ADGRG5: variants seen among roughly 807,000 people sequenced by gnomAD.
ADGRG5 encodes adhesion G protein-coupled receptor G5.
A neutral mutation model predicts 53.2 loss-of-function variants in ADGRG5; 37 were observed. That is an observed-to-expected ratio of 0.70 (90% CI 0.53 to 0.91). The LOEUF is 0.91. Among genes scored for constraint, ADGRG5 ranks in the 40% least tolerant of loss-of-function variants. The pLI, the probability that ADGRG5 is intolerant of heterozygous loss-of-function variation, is 0.00. For missense variants in ADGRG5, 614 were observed against 675.8 expected (o/e 0.91, Z 1.01); for synonymous variants, 277 against 290.4 (o/e 0.95, Z 0.47).
intron 1 of ADGRG5, among the ~76,000 whole-genome samples, chr16:57,555,311 G>A (rs2032857221): frequency 6.6e-6 from 1 of 152,114 alleles, no homozygotes; most frequent in Non-Finnish European, 1.5e-5. Context: ...GGATCATGGG[G>A]GCAGTTTCCC....
chr16:57,567,194 C>G (rs1357078411), intron 7 of ADGRG5, among the ~76,000 whole-genome samples: 1 of 152,228 alleles, frequency 6.6e-6, no homozygotes, highest in Non-Finnish European at 1.5e-5. Flanking sequence ...TTGACCAGGC[C>G]TGGCACCCCT....
chr16:57,537,730 C>T (rs2032425078), upstream of ADGRG5, among the ~76,000 whole-genome samples: 1 of 152,170 alleles, frequency 6.6e-6, no homozygotes, highest in African/African-American at 2.4e-5. Flanking sequence ...TTCCATTTCT[C>T]CTGCTTTGCT....
At chr16:57,530,725 C>T in the ADGRG5 span, among the ~76,000 whole-genome samples, 4 of 152,232 alleles carry the variant, frequency 2.6e-5, no homozygotes, top group African/African-American at 7.2e-5. Context: ...TAGCCAGTGA[C>T]GTCCTTTCCA....
At chr16:57,568,678 A>C (rs1301278140) in intron 9 of ADGRG5, among the ~76,000 whole-genome samples, 2 of 147,188 alleles carry the variant, frequency 1.4e-5, no homozygotes, top group African/African-American at 5.1e-5. Flanking sequence ...CTCCACCACC[A>C]CCTCCTCCAC....
At chr16:57,547,899 C>A (rs2032657381) in intron 1 of ADGRG5, among the ~76,000 whole-genome samples, 1 of 152,128 alleles carries the variant, frequency 6.6e-6, no homozygotes. Flanking sequence ...ACACGTGTGC[C>A]AACACGCCTG....
At chr16:57,569,670 C>T (rs1393841518) in intron 9 of ADGRG5, among the ~76,000 whole-genome samples, 3 of 151,986 alleles carry the variant, frequency 2.0e-5, no homozygotes, top group Non-Finnish European at 4.4e-5. Context: ...CCTCCATCTC[C>T]TCCACCTCTG....
chr16:57,557,480 A>G (rs1200446431), intron 1 of ADGRG5, among the ~76,000 whole-genome samples: 4 of 151,876 alleles, frequency 2.6e-5, no homozygotes, highest in Non-Finnish European at 5.9e-5. Flanking sequence ...AGCTTCTTGG[A>G]TCTGTGGTTT....
At chr16:57,529,248 G>A in the ADGRG5 span, 1 of 1,127,878 alleles carries the variant, frequency 8.9e-7, no homozygotes, top group Non-Finnish European at 1.1e-6. The surrounding 1 kb of genome is among the most constrained non-coding windows in gnomAD (Gnocchi z 4.1). Context: ...ACGCGCGGCG[G>A]GCGCGATACA....
intron 8 of ADGRG5, 47 bp from the exon 9 acceptor site, chr16:57,567,809 C>T (rs1244259778): frequency 6.4e-7 from 1 of 1,574,738 alleles, no homozygotes; most frequent in Admixed American, 1.7e-5. Flanking sequence ...GGTAGTGCTG[C>T]CTGGGTGATG....
Position 57,574,754 on chromosome 16 carries a change from TGCTG to T in ADGRG5, c.1209-58_1209-55del. ...GACCGAGTGGGGCTTCAGGGAGTGA[TGCTG>T]GCCTCCCCGCGGGCCTGGGAGCCAC... On this transcript the variant is annotated intron_variant, in intron 10 of 11. Coordinates refer to ENST00000349457, the MANE Select transcript of ADGRG5 (RefSeq NM_001304376.3). This position sits in a 1 kb window ranked among gnomAD's most constrained non-coding sequence, Gnocchi z 4.4. The T allele has an allele frequency of 6.7e-7, 1 of 1,502,000 alleles. No homozygotes were observed. The highest frequency in any genetic ancestry group is 8.9e-7 in the Non-Finnish European group (1 of 1,123,620). The allele number at this position is 1,502,000 out of a possible 1,614,324, so 93.0% of individuals were successfully genotyped here.
chr16:57,576,770 T>C lies in ADGRG5; in HGVS notation c.*1232T>C, dbSNP rs1297156061. The stretch of plus-strand genomic sequence containing the variant: ...CCAATGCGGCGGTGCACTTTCGCTC[T>C]TGGGGGCTGCACCCCAGACATAGCT... On this transcript the variant is annotated 3_prime_UTR_variant, in exon 12 of 12. Coordinates refer to ENST00000349457, the MANE Select transcript of ADGRG5 (RefSeq NM_001304376.3). 1.3e-5 allele frequency: 2 copies of C among 152,224 alleles called. No individual in the cohort carries two copies. The highest frequency in any genetic ancestry group is 4.8e-5 in the African/African-American group (2 of 41,456). 9.4% of individuals were successfully genotyped at this position (152,224 alleles called of 1,614,324 possible).
At position 57,570,481 on chromosome 16, in the gene ADGRG5, C is replaced by T; in HGVS notation, c.1154C>T (p.Thr385Ile). 6.2e-7 allele frequency: 1 copy of T among 1,613,646 alleles called. No homozygotes were observed. Among genetic ancestry groups the T allele is most frequent in the Non-Finnish European group, 8.5e-7 (1 of 1,179,980 alleles). ...SVKSSVYGPC[T>I]IPVFDSWENG... ...AAGAGCTCGGTATACGGACCCTGCA[C>T]AATCCCCGTCTTCGACAGCTGGGAG... is the stretch of plus-strand genomic sequence containing the variant. The change falls in exon 10 of 12, where the codon ACA (threonine) becomes ATA (isoleucine). Residue 385 changes from threonine to isoleucine, a missense_variant. Thr to Ile is a moderately conservative substitution (Grantham distance 89). Transcript: ENST00000349457.
rs2033502805 is a variant in ADGRG5 at position 57,575,833 on chromosome 16, G to A, written c.*295G>A. 1 of 390,768 alleles carries A rather than the reference G, an allele frequency of 2.6e-6. No individual in the cohort carries two copies. The highest frequency in any genetic ancestry group is 3.6e-5 in the Admixed American group (1 of 28,058). 24.2% of individuals were successfully genotyped at this position (390,768 alleles called of 1,614,324 possible). A position where few individuals can be genotyped will look rare whatever the true frequency, so the allele number is the denominator to read the frequency against. On this transcript the variant is annotated 3_prime_UTR_variant, in exon 12 of 12. Transcript: ENST00000349457. ...GGCAGAGCACCAGCCTGGGCATCAG[G>A]AAGCCAAGTTTCAAGGACTGTCTTT...
At chr16:57,550,679 G>A (rs1273258956) in intron 1 of ADGRG5, among the ~76,000 whole-genome samples, 1 of 152,162 alleles carries the variant, frequency 6.6e-6, no homozygotes, top group Non-Finnish European at 1.5e-5. Context: ...CCACAGTAAA[G>A]CAAATATGGT....
At chr16:57,569,305 ATCACCTCCACCT>A (rs2033260811) in intron 9 of ADGRG5, among the ~76,000 whole-genome samples, 1 of 142,158 alleles carries the variant, frequency 7.0e-6, no homozygotes, top group Admixed American at 7.0e-5. Flanking sequence ...CTCCATCATC[ATCACCTCCACCT>A]CCATCATCTC....
chr16:57,535,442 C>T, the ADGRG5 span, among the ~76,000 whole-genome samples: 1 of 152,190 alleles, frequency 6.6e-6, no homozygotes, highest in East Asian at 1.9e-4. Context: ...TCTGTGTCCA[C>T]ACCGCGGACC....
At chr16:57,564,566 T>C (rs1194858224) in intron 5 of ADGRG5, among the ~76,000 whole-genome samples, 2 of 152,170 alleles carry the variant, frequency 1.3e-5, no homozygotes, top group Non-Finnish European at 2.9e-5. Context: ...CCTCCCAAAA[T>C]GCTAGGATTA....
intron 10 of ADGRG5, among the ~76,000 whole-genome samples, chr16:57,572,148 T>G (rs1201754929): frequency 6.6e-6 from 1 of 151,418 alleles, no homozygotes; most frequent in Non-Finnish European, 1.5e-5. Context: ...TCTTACTATG[T>G]ATATACACAT....
the ADGRG5 span, among the ~76,000 whole-genome samples, chr16:57,535,542 C>A: frequency 6.6e-6 from 1 of 152,138 alleles, no homozygotes; most frequent in Non-Finnish European, 1.5e-5. Flanking sequence ...CCGAGAGCAC[C>A]TACACGATGG....
Sources: gnomAD v4.1 joint callset for allele counts (sites outside exome capture counted in the v4.1 genomes callset) on GRCh38, gnomAD v4.1.1 for gene constraint, Gnocchi (gnomAD v3.1) non-coding constraint, MANE v1.5 for transcripts, NCBI Gene and HGNC (gene_info 2026-07-23, HGNC 2026-07-21) for gene names.